The following HEY2 variants were observed in gnomAD, a reference collection of about 807,000 sequenced individuals.
HEY2 encodes hairy/enhancer-of-split related with YRPW motif protein 2.
HEY2 carries 10 observed loss-of-function variants against 18.1 expected under a neutral mutation model. The ratio of observed to expected loss-of-function variants is 0.55; its 90% CI spans 0.34 to 0.94. The LOEUF is 0.94. Ranked by LOEUF, HEY2 falls within the 40% of genes least tolerant of loss-of-function variation. The probability of loss-of-function intolerance (pLI) is 0.02; values close to 1 mark genes in which losing one functional copy is unlikely to be tolerated. For synonymous variants in HEY2, 210 were observed against 182.7 expected, an observed-to-expected ratio of 1.15 and a Z score of -1.21; for missense variants, 455 against 455.9, an observed-to-expected ratio of 1.00 and a Z score of 0.02.
chr6:125,754,287 A>G (rs1457141772), intron 3 of HEY2, among the ~76,000 whole-genome samples, 178 bp from the exon 4 acceptor site: 1 of 152,248 alleles, frequency 6.6e-6, no homozygotes, highest in East Asian at 1.9e-4. Flanking sequence ...TAGGTATGAC[A>G]TTAATTAGTG....
Position 125,751,613 on chromosome 6 carries a change from A to G in HEY2, c.84-188A>G, listed in dbSNP as rs183610877. On this transcript the variant is annotated intron_variant, in intron 1 of 4. Transcript: ENST00000368364. ...GCATCTGGATTACAAATTAAGGCGT[A>G]ATTTTTACCTGAAAAGAGACAGCCG... Among the ~76,000 whole-genome samples, 45 of 152,346 alleles carry G rather than the reference A, an allele frequency of 3.0e-4. 1 individual carries two copies. The highest frequency in any genetic ancestry group is 4.7e-4 in the Non-Finnish European group (32 of 68,038).
chr6:125,749,729 G>C lies in HEY2; in HGVS notation c.-48G>C. 1 of 1,466,944 alleles carries C rather than the reference G, an allele frequency of 6.8e-7. No individual in the cohort carries two copies. Among genetic ancestry groups the C allele is most frequent in the South Asian group, 1.2e-5 (1 of 81,700 alleles). The allele number at this position is 1,466,944 out of a possible 1,614,324, so 90.9% of individuals were successfully genotyped here. ...GGCGTCAGGGTGCTGCGCCCCGCTC[G>C]GCGTCCGAGCTTCCGGCCGGGCTGT... On this transcript the variant is annotated 5_prime_UTR_variant, in exon 1 of 5. Coordinates refer to ENST00000368364, the MANE Select transcript of HEY2 (RefSeq NM_012259.3).
intron 3 of HEY2, among the ~76,000 whole-genome samples, chr6:125,753,876 A>G (rs1210981851): frequency 4.6e-5 from 7 of 152,204 alleles, no homozygotes; most frequent in Non-Finnish European, 1.0e-4. Flanking sequence ...AAAAAACCTT[A>G]AAAGTCGTCC....
rs748548829 is a variant in HEY2 at position 125,759,702 on chromosome 6, C to T, written c.914C>T (p.Pro305Leu). Reference sequence around the variant, plus strand: ...GTGGCCGCGGCCACAGCCATCAGCCCGCCCTTGTCAGTATCAGCCACGTCC... The same window carrying T: ...GTGGCCGCGGCCACAGCCATCAGCCTGCCCTTGTCAGTATCAGCCACGTCC... ...AAVAAATAIS[P>L]PLSVSATSSP... The change falls in exon 5 of 5, where the codon CCG becomes CTG. Residue 305 changes from proline to leucine, a missense_variant. Physicochemically the swap from Pro to Leu is moderately conservative, Grantham distance 98. Transcript: ENST00000368364. The T allele has an allele frequency of 3.1e-6, 5 of 1,613,066 alleles. No individual in the cohort carries two copies. The highest frequency in any genetic ancestry group is 1.3e-5 in the African/African-American group (1 of 74,932).
At chr6:125,751,010 G>A (rs1261469061) in intron 1 of HEY2, among the ~76,000 whole-genome samples, 2 of 152,178 alleles carry the variant, frequency 1.3e-5, no homozygotes, top group Middle Eastern at 3.2e-3. Context: ...TAAAAATTAT[G>A]TGACCAAATA....
chr6:125,758,472 A>T (rs114424334), intron 4 of HEY2, among the ~76,000 whole-genome samples: 1,988 of 152,194 alleles, frequency 0.013, 44 homozygotes, highest in African/African-American at 0.046. Context: ...AAGAAACCAA[A>T]TTTTTTTTAA....
chr6:125,758,198 T>C (rs1773703647), intron 4 of HEY2, among the ~76,000 whole-genome samples: 1 of 152,252 alleles, frequency 6.6e-6, no homozygotes, highest in Non-Finnish European at 1.5e-5. Context: ...TAGACATTAT[T>C]ATTTTCTATT....
chr6:125,758,339 G>A lies in HEY2; in HGVS notation c.329-778G>A, dbSNP rs184344022. 2.9e-3 allele frequency among the ~76,000 whole-genome samples: 434 copies of A among 152,152 alleles called. 2 individuals are homozygous for A. The highest frequency in any genetic ancestry group is 4.8e-3 in the Non-Finnish European group (325 of 68,004). Reference sequence around the variant, plus strand: ...AATTAATATACATTTTTTTTCTTGGGTGTATGCTAGAAAAATGTAAGGACA... The same window carrying A: ...AATTAATATACATTTTTTTTCTTGGATGTATGCTAGAAAAATGTAAGGACA... On this transcript the variant is annotated intron_variant, in intron 4 of 4. Coordinates refer to ENST00000368364, the MANE Select transcript of HEY2 (RefSeq NM_012259.3).
intron 4 of HEY2, among the ~76,000 whole-genome samples, chr6:125,755,896 C>T (rs559329623): frequency 2.0e-5 from 3 of 152,292 alleles, no homozygotes; most frequent in Admixed American, 6.5e-5. Flanking sequence ...GCAGCATGAG[C>T]GCCAAGGGCC....
Position 125,749,829 on chromosome 6 carries a change from T to C in HEY2, c.53T>C (p.Ile18Thr), listed in dbSNP as rs2128527736. The change falls in exon 1 of 5, where the codon ATC becomes ACC. Residue 18 changes from isoleucine to threonine, a missense_variant. Transcript: ENST00000368364. ...TTSESDMDET[I>T]DVGSENNYSG... ...TCCGAGAGCGACATGGACGAGACCATCGACGTGGGGAGCGAGAACAATTAC... is the reference window on the plus strand; with the variant it reads ...TCCGAGAGCGACATGGACGAGACCACCGACGTGGGGAGCGAGAACAATTAC... The C allele has an allele frequency of 6.3e-7, 1 of 1,585,084 alleles. No individual in the cohort carries two copies. The highest frequency in any genetic ancestry group is 1.2e-5 in the South Asian group (1 of 86,520).
At chr6:125,756,989 G>C (rs1245358493) in intron 4 of HEY2, among the ~76,000 whole-genome samples, 4 of 152,160 alleles carry the variant, frequency 2.6e-5, no homozygotes, top group African/African-American at 9.7e-5. Context: ...ATTCCTTTAA[G>C]ATATAACAGA....
intron 4 of HEY2, among the ~76,000 whole-genome samples, chr6:125,755,067 G>T (rs1235113506): frequency 6.6e-6 from 1 of 152,044 alleles, no homozygotes; most frequent in East Asian, 1.9e-4. Context: ...TTTTTGCTTG[G>T]TCTTGAATTT....
Position 125,759,231 on chromosome 6 carries a change from C to G in HEY2, c.443C>G (p.Pro148Arg). 6.2e-7 allele frequency: 1 copy of G among 1,612,130 alleles called. No homozygotes were observed. Among genetic ancestry groups the G allele is most frequent in the South Asian group, 1.1e-5 (1 of 91,084 alleles). Residue 148 changes from proline (P) to arginine (R), a missense_variant, in exon 5 of 5, where the codon CCG becomes CGG. Physicochemically the swap from Pro to Arg is moderately radical, Grantham distance 103. Coordinates refer to ENST00000368364, the MANE Select transcript of HEY2 (RefSeq NM_012259.3). Reference protein sequence around the residue: ...SSVEGLDSSDPLRVRLVSHLS... With the variant: ...SSVEGLDSSDRLRVRLVSHLS... ...GTGGAAGGCCTGGACTCCTCGGATCCGCTGCGGGTGCGGCTTGTGTCTCAT... is the reference window on the plus strand; with the variant it reads ...GTGGAAGGCCTGGACTCCTCGGATCGGCTGCGGGTGCGGCTTGTGTCTCAT...
rs1182889721 is a variant in HEY2 at position 125,751,815 on chromosome 6, C to G, written c.98C>G (p.Ser33Cys). 6.2e-7 allele frequency: 1 copy of G among 1,611,874 alleles called. No homozygotes were observed. The highest frequency in any genetic ancestry group is 8.5e-7 in the Non-Finnish European group (1 of 1,178,174). ...ENNYSGQSTSSVIRLNSPTTT... is the reference protein window; with the variant it reads ...ENNYSGQSTSCVIRLNSPTTT... The stretch of plus-strand genomic sequence containing the variant: ...TTATTTCATAGGCAAAGTACTAGCT[C>G]TGTGATTAGATTGAATTCTCCAACA... The change falls in exon 2 of 5, where the codon TCT (serine) becomes TGT (cysteine). Residue 33 changes from serine (S) to cysteine (C), a missense_variant. Transcript: ENST00000368364.
In HEY2 at chr6:125,759,915, CAAT is replaced by C. The variant is rs760511739; in HGVS notation, c.*116_*118del. The C allele has an allele frequency of 1.0e-4, 85 of 809,932 alleles. No homozygotes were observed. The highest frequency in any genetic ancestry group is 7.5e-4 in the Middle Eastern group (3 of 3,998). The allele number at this position is 809,932 out of a possible 1,614,324, so 50.2% of individuals were successfully genotyped here. A position where few individuals can be genotyped will look rare whatever the true frequency, so the allele number is the denominator to read the frequency against. On this transcript the variant is annotated 3_prime_UTR_variant, in exon 5 of 5. Transcript: ENST00000368364. Reference sequence around the variant, plus strand: ...AGATGCCGACAGATCCACAAAGGAACAATAAAGCTATTTGAGACACAAACCTCA... The same window carrying C: ...AGATGCCGACAGATCCACAAAGGAACAAAGCTATTTGAGACACAAACCTCA...
intron 4 of HEY2, 37 bp from the exon 5 acceptor site, chr6:125,759,076 ATCTC>A: frequency 6.7e-7 from 1 of 1,487,690 alleles, no homozygotes; most frequent in Non-Finnish European, 9.1e-7. Context: ...CCTCCCGCCC[ATCTC>A]TCTCCTGTTC....
chr6:125,758,020 A>G (rs938367828), intron 4 of HEY2, among the ~76,000 whole-genome samples: 10 of 152,252 alleles, frequency 6.6e-5, no homozygotes, highest in African/African-American at 2.2e-4. Flanking sequence ...ACACATCCCC[A>G]AAATGAATAG....
chr6:125,750,379 C>T (rs144449604), intron 1 of HEY2: 1 of 985,322 alleles, frequency 1.0e-6, no homozygotes, highest in African/African-American at 1.7e-5. Context: ...GAGTGAGTGA[C>T]AGATGTAAGC....
rs755701278 is a variant in HEY2, at chr6:125,759,516, C to A, written c.728C>A (p.Thr243Lys). The A allele has an allele frequency of 1.9e-6, 3 of 1,611,022 alleles. No individual in the cohort carries two copies. In the East Asian group the frequency reaches 6.7e-5, roughly 36 times the overall value. The change falls in exon 5 of 5, where the codon ACG becomes AAG. Residue 243 changes from threonine to lysine, a missense_variant. Thr to Lys is a moderately conservative substitution (Grantham distance 78, BLOSUM62 -1). Coordinates refer to ENST00000368364, the MANE Select transcript of HEY2 (RefSeq NM_012259.3). ...GATTCAGCCCTCCGAATGCCATCCA[C>A]GGGCAGCGTCGCCCCCTGCGTGCCA... is the stretch of plus-strand genomic sequence containing the variant. ...HADSALRMPS[T>K]GSVAPCVPPL... is the part of the protein sequence containing the mutation.
Sources: gnomAD v4.1 joint callset for allele counts (sites outside exome capture counted in the v4.1 genomes callset) on GRCh38, gnomAD v4.1.1 for gene constraint, MANE v1.5 for transcripts, NCBI Gene and HGNC (gene_info 2026-07-23, HGNC 2026-07-21) for gene names.